Variants in FAT4 observed in about 807,000 individuals in gnomAD.
FAT4 encodes protocadherin Fat 4.
In FAT4, 84 loss-of-function variants were observed where a neutral mutation model predicts 303.9. The ratio of observed to expected loss-of-function variants is 0.28; its 90% CI spans 0.23 to 0.33. The LOEUF (loss-of-function observed/expected upper bound fraction) is 0.33, where lower values mean the gene tolerates loss of function less well. Ranked by LOEUF, FAT4 falls within the 10% of genes least tolerant of loss-of-function variation. The pLI is 1.00. For synonymous variants in FAT4, 2,307 were observed against 2,298.8 expected, an observed-to-expected ratio of 1.00 and a Z score of -0.10; for missense variants, 6,005 against 6,146.8, an observed-to-expected ratio of 0.98 and a Z score of 0.77.
In FAT4 at chr4:125,331,644, A is replaced by G. The variant is rs1328273675; in HGVS notation, c.5175+10058A>G. 2.0e-5 allele frequency among the ~76,000 whole-genome samples: 3 copies of G among 152,218 alleles called. No homozygotes were observed. In the East Asian group the frequency reaches 5.8e-4, roughly 29 times the overall value. ...ATCTCATGTCTTCTCATCTCCTTCA[A>G]CCTTATCTAATTTTGCTTTAGAGAG... On this transcript the variant is annotated intron_variant, in intron 2 of 17. Coordinates refer to ENST00000394329, the MANE Select transcript of FAT4 (RefSeq NM_001291303.3).
In FAT4 at chr4:125,408,614, C is replaced by T. The variant is rs1289712844; in HGVS notation, c.5740C>T (p.Leu1914Phe). 1 of 1,612,400 alleles carries T rather than the reference C, an allele frequency of 6.2e-7. No individual in the cohort carries two copies. Among genetic ancestry groups the T allele is most frequent in the East Asian group, 2.2e-5 (1 of 44,758 alleles). ...TTATGAAGTACAGCAATATTATATC[C>T]TCACTGTTCGAGCAGAAGATGGTGG... ...LDYEVQQYYI[L>F]TVRAEDGGGQ... is the part of the protein sequence containing the mutation. The change falls in exon 5 of 18, where the codon CTC becomes TTC. Residue 1914 changes from leucine (L) to phenylalanine (F), a missense_variant. Physicochemically the swap from Leu to Phe is conservative, Grantham distance 22. Transcript: ENST00000394329.
In FAT4 at chr4:125,388,331, A is replaced by G. The variant is rs530582991; in HGVS notation, c.5176-10453A>G. Reference sequence around the variant, plus strand: ...TTGTACCTTTAATAGAAATCAAACCACTTCTTTATTTTTCAGTAGTTTGAA... The same window carrying G: ...TTGTACCTTTAATAGAAATCAAACCGCTTCTTTATTTTTCAGTAGTTTGAA... On this transcript the variant is annotated intron_variant, in intron 2 of 17. Transcript: ENST00000394329. Among the ~76,000 whole-genome samples, 6 of 152,286 alleles carry G rather than the reference A, an allele frequency of 3.9e-5. 1 individual carries two copies. The South Asian group carries it at 1.2e-3, about 32-fold the overall frequency.
chr4:125,448,425 C>A (rs1238024059), intron 9 of FAT4, 36 bp from the exon 10 acceptor site: 1 of 1,538,104 alleles, frequency 6.5e-7, no homozygotes, highest in Non-Finnish European at 8.7e-7. Flanking sequence ...TATTTAAATT[C>A]CACGTGAGTA....
intron 2 of FAT4, among the ~76,000 whole-genome samples, chr4:125,382,772 AC>A (rs1170253976): frequency 1.3e-5 from 2 of 152,220 alleles, no homozygotes; most frequent in African/African-American, 4.8e-5. Context: ...CTGTTCATCT[AC>A]ATTGAAAATC....
rs188653554 is a variant in FAT4, at chr4:125,324,710, A to G, written c.5175+3124A>G. ...GGTAGTCACCAGGCCATAGTTCCCAAACTTGCTACATTCAGGACCCCTTTA... is the reference window on the plus strand; with the variant it reads ...GGTAGTCACCAGGCCATAGTTCCCAGACTTGCTACATTCAGGACCCCTTTA... On this transcript the variant is annotated intron_variant, in intron 2 of 17. Coordinates refer to ENST00000394329, the MANE Select transcript of FAT4 (RefSeq NM_001291303.3). 2.5e-3 allele frequency among the ~76,000 whole-genome samples: 373 copies of G among 152,216 alleles called. 3 individuals are homozygous for G. The highest frequency in any genetic ancestry group is 3.4e-3 in the Middle Eastern group (1 of 294).
intron 7 of FAT4, among the ~76,000 whole-genome samples, chr4:125,426,882 A>T (rs1725105108): frequency 6.6e-6 from 1 of 152,024 alleles, no homozygotes; most frequent in South Asian, 2.1e-4. Flanking sequence ...ATATAAAATC[A>T]AAACCAACAT....
At chr4:125,485,146 G>T (rs1727363548) in intron 16 of FAT4, among the ~76,000 whole-genome samples, 1 of 152,126 alleles carries the variant, frequency 6.6e-6, no homozygotes, top group African/African-American at 2.4e-5. Flanking sequence ...GGGTCAATGT[G>T]AAGGCCTAAG....
intron 8 of FAT4, among the ~76,000 whole-genome samples, chr4:125,444,870 TC>T (rs1222628036): frequency 6.6e-6 from 1 of 152,106 alleles, no homozygotes; most frequent in Non-Finnish European, 1.5e-5. Flanking sequence ...AATTCTCAAA[TC>T]CAGTTTTCTA....
At position 125,449,621 on chromosome 4, in the gene FAT4, G is replaced by C; in HGVS notation, c.8611G>C (p.Ala2871Pro). The change falls in exon 10 of 18, where the codon GCT becomes CCT. Residue 2871 changes from alanine to proline, a missense_variant. By Grantham distance (27) the Ala-to-Pro change is conservative. Transcript: ENST00000394329. ...TIFVTDINDN[A>P]PRFSRTSYYL... ...ATTTGTGACAGACATCAATGACAAT[G>C]CTCCAAGATTTAGCAGAACTTCCTA... 2.5e-6 allele frequency: 4 copies of C among 1,613,912 alleles called. No homozygotes were observed. The highest frequency in any genetic ancestry group is 3.4e-6 in the Non-Finnish European group (4 of 1,179,920).
intron 13 of FAT4, among the ~76,000 whole-genome samples, chr4:125,476,774 T>C (rs1312583185): frequency 6.6e-6 from 1 of 152,158 alleles, no homozygotes; most frequent in Non-Finnish European, 1.5e-5. Flanking sequence ...CTTGCATTGA[T>C]CAACTTACTG....
intron 10 of FAT4, among the ~76,000 whole-genome samples, chr4:125,454,144 T>C (rs1377169101): frequency 6.6e-6 from 1 of 152,236 alleles, no homozygotes; most frequent in Non-Finnish European, 1.5e-5. Flanking sequence ...AGAATCAAGA[T>C]AGATTGCTTT....
intron 8 of FAT4, among the ~76,000 whole-genome samples, chr4:125,444,684 C>T (rs1472020636): frequency 1.3e-5 from 2 of 151,832 alleles, no homozygotes; most frequent in Non-Finnish European, 2.9e-5. Context: ...TTATCAATCT[C>T]ATTTTATTTT....
chr4:125,369,692 C>G (rs1221325953), intron 2 of FAT4, among the ~76,000 whole-genome samples: 2 of 152,128 alleles, frequency 1.3e-5, no homozygotes, highest in African/African-American at 4.8e-5. Context: ...TCAAATTGCT[C>G]TGCAACTGTA....
chr4:125,319,646 C>A lies in FAT4; in HGVS notation c.3235C>A (p.Pro1079Thr). ...MVVASDRAVE[P>T]LSATVNVTVI... Reference sequence around the variant, plus strand: ...TGTTGCTTCTGACAGAGCAGTGGAACCCCTTAGTGCTACTGTGAATGTTAC... The same window carrying A: ...TGTTGCTTCTGACAGAGCAGTGGAAACCCTTAGTGCTACTGTGAATGTTAC... Residue 1079 changes from proline to threonine, a missense_variant, in exon 2 of 18, where the codon CCC becomes ACC. Physicochemically the swap from Pro to Thr is conservative, Grantham distance 38. Coordinates refer to ENST00000394329, the MANE Select transcript of FAT4 (RefSeq NM_001291303.3). The A allele has an allele frequency of 6.2e-7, 1 of 1,613,826 alleles. No individual in the cohort carries two copies. The highest frequency in any genetic ancestry group is 8.5e-7 in the Non-Finnish European group (1 of 1,179,766).
At chr4:125,419,176 G>A in intron 7 of FAT4, among the ~76,000 whole-genome samples, 1 of 152,202 alleles carries the variant, frequency 6.6e-6, no homozygotes, top group East Asian at 1.9e-4. Flanking sequence ...TAGATAAAAA[G>A]GAATACTTAT....
At position 125,319,593 on chromosome 4, in the gene FAT4, A is replaced by G. The variant is rs1317953841; in HGVS notation, c.3182A>G (p.Glu1061Gly). ...TATATAAAAAGTGAACTGGACCGTG[A>G]ACTTCAAGACAGATATGTTTTAATG... ...QLYIKSELDR[E>G]LQDRYVLMVV... The change falls in exon 2 of 18, where the codon GAA becomes GGA. Residue 1061 changes from glutamate (E) to glycine (G), a missense_variant. Transcript: ENST00000394329. The G allele has an allele frequency of 1.2e-6, 2 of 1,613,982 alleles. No individual in the cohort carries two copies. Among genetic ancestry groups the G allele is most frequent in the Non-Finnish European group, 1.7e-6 (2 of 1,179,938 alleles).
intron 2 of FAT4, among the ~76,000 whole-genome samples, chr4:125,398,165 A>G (rs1341934286): frequency 6.6e-6 from 1 of 152,184 alleles, no homozygotes; most frequent in African/African-American, 2.4e-5. Flanking sequence ...AAAGCTGTTA[A>G]TATTTGCAAC....
intron 10 of FAT4, among the ~76,000 whole-genome samples, chr4:125,456,654 T>C (rs1465780748): frequency 6.6e-6 from 1 of 152,038 alleles, no homozygotes; most frequent in Non-Finnish European, 1.5e-5. Context: ...AGTTTGTTAA[T>C]TTTTTTTGTA....
chr4:125,337,039 C>T (rs1731603888), intron 2 of FAT4, among the ~76,000 whole-genome samples: 1 of 151,860 alleles, frequency 6.6e-6, no homozygotes, highest in Non-Finnish European at 1.5e-5. Context: ...TGGTAGAGCG[C>T]CATTTGAGTT....
Sources: gnomAD v4.1 joint callset for allele counts (sites outside exome capture counted in the v4.1 genomes callset) on GRCh38, gnomAD v4.1.1 for gene constraint, MANE v1.5 for transcripts, NCBI Gene and HGNC (gene_info 2026-07-23, HGNC 2026-07-21) for gene names.